The following ZNF385D variants were observed in gnomAD, a reference collection of about 807,000 sequenced individuals.
ZNF385D encodes zinc finger protein 659.
ZNF385D carries 15 observed loss-of-function variants against 35.8 expected under a neutral mutation model. The ratio of observed to expected loss-of-function variants is 0.42; its 90% CI spans 0.28 to 0.64. The LOEUF (loss-of-function observed/expected upper bound fraction) is 0.64, where lower values mean the gene tolerates loss of function less well. Ranked by LOEUF, ZNF385D falls within the 30% of genes least tolerant of loss-of-function variation. The pLI, the probability that ZNF385D is intolerant of heterozygous loss-of-function variation, is 0.23. For missense variants in ZNF385D, 474 were observed against 494.6 expected (o/e 0.96, Z 0.39); for synonymous variants, 212 against 186.8 (o/e 1.13, Z -1.10).
chr3:22,170,798 C>T (rs1230345268), intron 2 of ZNF385D, among the ~76,000 whole-genome samples: 1 of 152,126 alleles, frequency 6.6e-6, no homozygotes, highest in East Asian at 1.9e-4. Flanking sequence ...TTGATTTATG[C>T]TTTTAAATCT....
intron 2 of ZNF385D, among the ~76,000 whole-genome samples, chr3:22,280,334 C>T (rs1266489348): frequency 2.0e-5 from 3 of 149,358 alleles, no homozygotes; most frequent in Non-Finnish European, 4.4e-5. Flanking sequence ...TTCTTGGTCA[C>T]AAAGTCTTTG....
intron 3 of ZNF385D, among the ~76,000 whole-genome samples, chr3:21,559,546 C>A (rs751689423): frequency 1.3e-5 from 2 of 152,210 alleles, no homozygotes; most frequent in Non-Finnish European, 2.9e-5. Flanking sequence ...GTCTGATGGG[C>A]TTCCCTTTGT....
chr3:21,954,141 T>C (rs971590646), intron 3 of ZNF385D, among the ~76,000 whole-genome samples: 6 of 151,818 alleles, frequency 4.0e-5, no homozygotes, highest in African/African-American at 1.2e-4. Context: ...TAAAGCACAA[T>C]ATTGAGTCAC....
At chr3:21,793,127 T>C (rs1287998839) in intron 3 of ZNF385D, among the ~76,000 whole-genome samples, 1 of 152,164 alleles carries the variant, frequency 6.6e-6, no homozygotes, top group Non-Finnish European at 1.5e-5. Flanking sequence ...TTATATAGAA[T>C]TCAATGCCAA....
At chr3:21,899,569 C>T (rs1428735211) in intron 3 of ZNF385D, among the ~76,000 whole-genome samples, 1 of 152,100 alleles carries the variant, frequency 6.6e-6, no homozygotes, top group Non-Finnish European at 1.5e-5. Context: ...ATCTCCAGAA[C>T]CACTGTTAGA....
At chr3:22,044,129 T>TGGTGGGTA (rs1698842256) in intron 3 of ZNF385D, among the ~76,000 whole-genome samples, 1 of 150,802 alleles carries the variant, frequency 6.6e-6, no homozygotes, top group Non-Finnish European at 1.5e-5. Flanking sequence ...CCTCAGGATT[T>TGGTGGGTA]GGTGGGTATG....
chr3:22,083,992 C>T (rs1045982381), intron 3 of ZNF385D, among the ~76,000 whole-genome samples: 18 of 152,086 alleles, frequency 1.2e-4, no homozygotes, highest in Admixed American at 9.8e-4. Flanking sequence ...AAGCTTCATA[C>T]GTGAAGGAGA....
At chr3:22,235,882 CAAATAA>C (rs1699152173) in intron 2 of ZNF385D, among the ~76,000 whole-genome samples, 2 of 151,942 alleles carry the variant, frequency 1.3e-5, no homozygotes, top group African/African-American at 4.8e-5. Context: ...TCATGTTCGA[CAAATAA>C]AAAGTAAAAA....
chr3:21,685,999 G>A (rs1044189858), intron 1 of ZNF385D, among the ~76,000 whole-genome samples: 2 of 152,114 alleles, frequency 1.3e-5, no homozygotes, highest in Admixed American at 6.5e-5. Context: ...CAGCTTTGGT[G>A]GTCACAGATG....
intron 3 of ZNF385D, among the ~76,000 whole-genome samples, chr3:21,529,056 T>C (rs1005407313): frequency 2.6e-5 from 4 of 152,188 alleles, no homozygotes; most frequent in African/African-American, 9.7e-5. Flanking sequence ...AAAATCACTT[T>C]TTCCATTTTT....
chr3:21,480,899 T>C (rs2125375986), intron 4 of ZNF385D, among the ~76,000 whole-genome samples: 1 of 152,334 alleles, frequency 6.6e-6, no homozygotes, highest in South Asian at 2.1e-4. Flanking sequence ...TGTCATTTCA[T>C]TTGTTACATA....
rs538454956 is a variant in ZNF385D, at chr3:22,302,125, C to T, written c.106+70325G>A. 3.9e-5 allele frequency among the ~76,000 whole-genome samples: 6 copies of T among 152,090 alleles called. No individual in the cohort carries two copies. The East Asian group carries it at 9.7e-4, about 25-fold the overall frequency. ...AGCATGAGAATATTTATAAACTGTACAGCTGGATTCACACTTCCAGAATGC... is the reference window on the plus strand; with the variant it reads ...AGCATGAGAATATTTATAAACTGTATAGCTGGATTCACACTTCCAGAATGC... On this transcript the variant is annotated intron_variant, in intron 2 of 5. Transcript: ENST00000494108.
rs370298878 is a variant in ZNF385D at position 22,087,412 on chromosome 3, C to T, written c.325+81405G>A. On this transcript the variant is annotated intron_variant, in intron 3 of 5. Coordinates refer to the ZNF385D transcript ENST00000494108. ...AACATATATGTTATGGAACTATGTTCTCCCCAAAGGGAGTATATGAAAATG... is the reference window on the plus strand; with the variant it reads ...AACATATATGTTATGGAACTATGTTTTCCCCAAAGGGAGTATATGAAAATG... Among the ~76,000 whole-genome samples the T allele has an allele frequency of 2.0e-4, 30 of 152,224 alleles. No homozygotes were observed. The East Asian group carries it at 4.7e-3, about 24-fold the overall frequency.
rs1011055583 is a variant in ZNF385D, at chr3:21,724,184, C to A, written c.22+26711G>T. Among the ~76,000 whole-genome samples the A allele has an allele frequency of 2.6e-5, 4 of 152,128 alleles. No individual in the cohort carries two copies. In the East Asian group the frequency reaches 5.8e-4, roughly 22 times the overall value. On this transcript the variant is annotated intron_variant, in intron 1 of 7. Transcript: ENST00000281523. The stretch of plus-strand genomic sequence containing the variant: ...CATAGAAAGGAGCATCCAGTACCAG[C>A]CACTGCAAAAACAAACCAAATTGTA...
In ZNF385D at chr3:22,338,609, C is replaced by T. The variant is rs568574252; in HGVS notation, c.106+33841G>A. ...TTTTCTATTCATATTTTGAGAGTTG[C>T]TTTCACAGTACAGAATGTAACAAGA... On this transcript the variant is annotated intron_variant, in intron 2 of 5. Coordinates refer to the ZNF385D transcript ENST00000494108. Among the ~76,000 whole-genome samples the T allele has an allele frequency of 3.4e-4, 51 of 151,528 alleles. No homozygotes were observed. The East Asian group carries it at 9.3e-3, about 28-fold the overall frequency.
At chr3:21,964,412 TAAAAAAAAAAAAA>T (rs60635259) in intron 3 of ZNF385D, among the ~76,000 whole-genome samples, 1 of 71,484 alleles carries the variant, frequency 1.4e-5, no homozygotes, top group East Asian at 5.0e-4. Flanking sequence ...GTCCTTTTTG[TAAAAAAAAAAAAA>T]AAAAAAAGAA....
chr3:21,829,369 C>G (rs1349602298), intron 3 of ZNF385D, among the ~76,000 whole-genome samples: 1 of 151,954 alleles, frequency 6.6e-6, no homozygotes, highest in Non-Finnish European at 1.5e-5. Flanking sequence ...AAGGGATCAG[C>G]AAGTGCAAAG....
At chr3:22,120,512 T>C (rs547499388) in intron 3 of ZNF385D, among the ~76,000 whole-genome samples, 30 of 152,238 alleles carry the variant, frequency 2.0e-4, no homozygotes, top group African/African-American at 7.2e-4. Context: ...ACATATCTAC[T>C]TGGAAGAGAC....
In ZNF385D at chr3:21,547,907, G is replaced by A. The variant is rs781397904; in HGVS notation, c.276+16667C>T. 3.3e-5 allele frequency among the ~76,000 whole-genome samples: 5 copies of A among 152,152 alleles called. No homozygotes were observed. The South Asian group carries it at 8.3e-4, about 25-fold the overall frequency. ...ATTACAGGTGTGAGCCAATGCACCCGGCCACACGTACTTCTTTAGATGGAG... is the reference window on the plus strand; with the variant it reads ...ATTACAGGTGTGAGCCAATGCACCCAGCCACACGTACTTCTTTAGATGGAG... On this transcript the variant is annotated intron_variant, in intron 3 of 7. Coordinates refer to ENST00000281523, the MANE Select transcript of ZNF385D (RefSeq NM_024697.3).
Sources: gnomAD v4.1 joint callset for allele counts (sites outside exome capture counted in the v4.1 genomes callset) on GRCh38, gnomAD v4.1.1 for gene constraint, MANE v1.5 for transcripts, NCBI Gene and HGNC (gene_info 2026-07-23, HGNC 2026-07-21) for gene names.